The following LYST variants were observed in gnomAD, a reference collection of about 807,000 sequenced individuals.
LYST encodes the protein lysosomal trafficking regulator.
Under a neutral mutation model 413.6 loss-of-function variants are expected in LYST, and 192 were observed. That is an observed-to-expected ratio of 0.46 (90% CI 0.41 to 0.52). The LOEUF (loss-of-function observed/expected upper bound fraction) is 0.52. LYST is among the 20% of genes least tolerant of loss of function. The probability of loss-of-function intolerance (pLI) is 0.00; values close to 1 mark genes in which losing one functional copy is unlikely to be tolerated. For missense variants in LYST, 3,815 were observed against 4,499.9 expected, an observed-to-expected ratio of 0.85 and a Z score of 4.35; for synonymous variants, 1,525 against 1,567.3, an observed-to-expected ratio of 0.97 and a Z score of 0.64.
At chr1:235,839,084 C>G (rs1676903498) in intron 1 of LYST, among the ~76,000 whole-genome samples, 1 of 152,146 alleles carries the variant, frequency 6.6e-6, no homozygotes, top group South Asian at 2.1e-4. Flanking sequence ...CTTGACTTCC[C>G]AAAGTGTTGG....
intron 30 of LYST, among the ~76,000 whole-genome samples, chr1:235,742,925 C>T (rs79056748): frequency 0.074 from 11,259 of 152,066 alleles, 546 homozygotes; most frequent in Middle Eastern, 0.12. Context: ...ACTACATTTA[C>T]GTAACTTTTA....
At chr1:235,722,348 G>A (rs1174107863) in intron 39 of LYST, among the ~76,000 whole-genome samples, 1 of 152,204 alleles carries the variant, frequency 6.6e-6, no homozygotes, top group Admixed American at 6.5e-5. Context: ...CTGCTGTGTT[G>A]AGAATAATCT....
intron 16 of LYST, among the ~76,000 whole-genome samples, chr1:235,780,250 T>C (rs61837690): frequency 0.017 from 2,627 of 151,742 alleles, 34 homozygotes; most frequent in Non-Finnish European, 0.026. Context: ...TACAAAAATT[T>C]AAAATTAGCC....
intron 1 of LYST, among the ~76,000 whole-genome samples, chr1:235,838,827 T>C (rs575049580): frequency 7.9e-5 from 12 of 152,222 alleles, no homozygotes; most frequent in Non-Finnish European, 1.8e-4. Flanking sequence ...CTTCTTAGTC[T>C]GTGTGTAGAT....
chr1:235,822,204 G>A (rs938184188), intron 3 of LYST, among the ~76,000 whole-genome samples: 5 of 152,154 alleles, frequency 3.3e-5, no homozygotes, highest in Admixed American at 6.5e-5. Flanking sequence ...GTATATTATG[G>A]GCTAATTGTT....
chr1:235,764,495 C>CTTTTTTTTTTTTTTTTTT (rs1020736833), intron 21 of LYST, among the ~76,000 whole-genome samples: 8 of 97,948 alleles, frequency 8.2e-5, no homozygotes, highest in Non-Finnish European at 1.0e-4. Context: ...TTTTTCTTTT[C>CTTTTTTTTTTTTTTTTTT]TTTTTTTTTT....
At chr1:235,806,818 T>A (rs1368900684) in intron 5 of LYST, 46 bp from the exon 6 acceptor site, 3 of 1,255,948 alleles carry the variant, frequency 2.4e-6, no homozygotes, top group Non-Finnish European at 3.5e-6. Context: ...TAAAGAAACA[T>A]CATTTATAAA....
At chr1:235,774,244 TTA>T (rs1402966776) in intron 18 of LYST, among the ~76,000 whole-genome samples, 1 of 152,220 alleles carries the variant, frequency 6.6e-6, no homozygotes, top group African/African-American at 2.4e-5. Context: ...CACTCAATTT[TTA>T]TGTTTTAAAT....
At chr1:235,765,370 C>T (rs1042259588) in intron 21 of LYST, among the ~76,000 whole-genome samples, 4 of 152,174 alleles carry the variant, frequency 2.6e-5, no homozygotes, top group African/African-American at 9.7e-5. Flanking sequence ...CTTACTGCCC[C>T]TAGTTCCTTA....
intron 34 of LYST, among the ~76,000 whole-genome samples, chr1:235,732,573 G>C (rs1664478049): frequency 6.6e-6 from 1 of 152,212 alleles, no homozygotes; most frequent in Admixed American, 6.5e-5. Context: ...TTGTCAAAAT[G>C]TACAATGCCA....
intron 3 of LYST, among the ~76,000 whole-genome samples, chr1:235,820,738 C>A (rs1331253639): frequency 2.0e-5 from 3 of 152,158 alleles, no homozygotes; most frequent in African/African-American, 7.2e-5. Context: ...ATTTTCCATG[C>A]ATAAGCAGGA....
In LYST at chr1:235,830,366, G is replaced by C; in HGVS notation, c.52C>G (p.Arg18Gly). The change falls in exon 3 of 53, where the codon CGG becomes GGG. Residue 18 changes from arginine to glycine, a missense_variant. Physicochemically the swap from Arg to Gly is moderately radical, Grantham distance 125 (BLOSUM62 -2). Coordinates refer to ENST00000389793, the MANE Select transcript of LYST (RefSeq NM_000081.4). ...CTCTGGACCACTGCATTGCAAAGCC[G>C]GTTGACATCGGTCAGAAATTCACGT... ...LAREFLTDVNRLCNAVVQRVE... is the reference protein window; with the variant it reads ...LAREFLTDVNGLCNAVVQRVE... The C allele has an allele frequency of 6.2e-7, 1 of 1,613,652 alleles. No individual in the cohort carries two copies. Among genetic ancestry groups the C allele is most frequent in the Non-Finnish European group, 8.5e-7 (1 of 1,179,838 alleles).
rs773942795 is a variant in LYST at position 235,687,009 on chromosome 1, C to T, written c.10740G>A (p.Leu3580=). ...TGACACCGCATTTGCTTCCAGTAAA[C>T]AGCTGGCAACTGTCAGGCACCCAAG... ...SCAWVPDSCQ[L]FTGSKCGVIT... Residue 3580 remains leucine (L), a synonymous_variant, in exon 48 of 53, where the codon CTG becomes CTA. Transcript: ENST00000389793. 33 of 1,613,950 alleles carry T rather than the reference C, an allele frequency of 2.0e-5. No individual in the cohort carries two copies. The highest frequency in any genetic ancestry group is 1.2e-4 in the Admixed American group (7 of 59,998).
At chr1:235,778,122 T>TATATATATATATATATATATATATATATA (rs1558230944) in intron 16 of LYST, among the ~76,000 whole-genome samples, 7 of 144,764 alleles carry the variant, frequency 4.8e-5, no homozygotes, top group African/African-American at 1.9e-4. Flanking sequence ...TATATATATA[T>TATATATATATATATATATATATATATATA]TTTTGTAGAG....
intron 44 of LYST, among the ~76,000 whole-genome samples, chr1:235,706,091 C>G (rs114308678): frequency 3.0e-4 from 45 of 152,308 alleles, no homozygotes; most frequent in African/African-American, 1.1e-3. Flanking sequence ...CCATGCCTGG[C>G]CTCCTAATTG....
rs183740525 is a variant in LYST, at chr1:235,743,471, C to G, written c.8151+508G>C. Among the ~76,000 whole-genome samples the G allele has an allele frequency of 3.2e-3, 488 of 152,118 alleles. 2 individuals are homozygous for G. The highest frequency in any genetic ancestry group is 5.8e-3 in the Non-Finnish European group (393 of 67,994). On this transcript the variant is annotated intron_variant, in intron 30 of 52. Coordinates refer to ENST00000389793, the MANE Select transcript of LYST (RefSeq NM_000081.4). ...TTTGCTATCTATAGAGTAAACTGAC[C>G]GATTTGTTCCGTTGTGTCAACTGTA...
At chr1:235,798,578 T>TAAAAAAAAAAAAAAAAAAAAAAAAAA (rs71174462) in intron 10 of LYST, among the ~76,000 whole-genome samples, 1 of 81,714 alleles carries the variant, frequency 1.2e-5, no homozygotes, top group African/African-American at 4.5e-5. Context: ...AACCCTGTCA[T>TAAAAAAAAAAAAAAAAAAAAAAAAAA]AAAAAAAAAA....
At chr1:235,859,779 G>A (rs77154334) in intron 1 of LYST, among the ~76,000 whole-genome samples, 3,400 of 151,946 alleles carry the variant, frequency 0.022, 126 homozygotes, top group African/African-American at 0.077. Context: ...CGCCTTCCTG[G>A]GATTATTACT....
chr1:235,828,301 G>T, intron 3 of LYST: 1 of 246,320 alleles, frequency 4.1e-6, no homozygotes. Flanking sequence ...TAGCTAAAGG[G>T]TATGGAGTTT....
Sources: allele counts gnomAD v4.1 joint callset (sites outside exome capture counted in the v4.1 genomes callset), GRCh38; gene constraint gnomAD v4.1.1; transcripts MANE v1.5; gene names NCBI Gene and HGNC (gene_info 2026-07-23, HGNC 2026-07-21).